Variants in MB21D2 observed in about 807,000 individuals in gnomAD.
The protein encoded by MB21D2 is nucleotidyltransferase MB21D2.
Under a neutral mutation model 33.3 loss-of-function variants are expected in MB21D2, and 9 were observed. The ratio of observed to expected loss-of-function variants is 0.27; its 90% CI spans 0.16 to 0.47. MB21D2 has a LOEUF of 0.47. Ranked by LOEUF, MB21D2 falls within the 20% of genes least tolerant of loss-of-function variation. The probability of loss-of-function intolerance (pLI) is 0.99; values close to 1 mark genes in which losing one functional copy is unlikely to be tolerated. For missense variants in MB21D2, 540 were observed against 624.6 expected (o/e 0.86, Z 1.44); for synonymous variants, 241 against 236.3 (o/e 1.02, Z -0.18).
Position 192,824,794 on chromosome 3 carries a change from T to G in MB21D2, c.212-25144A>C, listed in dbSNP as rs11928598. 3.9e-3 allele frequency among the ~76,000 whole-genome samples: 596 copies of G among 152,264 alleles called. 4 individuals are homozygous for G. Among genetic ancestry groups the G allele is most frequent in the African/African-American group, 0.014 (585 of 41,540 alleles). ...ATTCTTCAAAAATCACTCCAATTTATTTCCACTTCATGTTCCTACGTCAAG... is the reference window on the plus strand; with the variant it reads ...ATTCTTCAAAAATCACTCCAATTTAGTTCCACTTCATGTTCCTACGTCAAG... On this transcript the variant is annotated intron_variant, in intron 1 of 1. Transcript: ENST00000392452.
intron 1 of MB21D2, among the ~76,000 whole-genome samples, chr3:192,866,800 A>G (rs996543722): frequency 6.6e-6 from 1 of 152,240 alleles, no homozygotes; most frequent in African/African-American, 2.4e-5. Context: ...TCCCATCTTT[A>G]GAAGAGGAGA....
chr3:192,903,307 A>G (rs1714142375), intron 1 of MB21D2, among the ~76,000 whole-genome samples: 1 of 152,348 alleles, frequency 6.6e-6, no homozygotes, highest in Admixed American at 6.5e-5. Flanking sequence ...AGGATGATCA[A>G]GTCCCCTTTT....
chr3:192,883,619 C>T (rs1464022145), intron 1 of MB21D2, among the ~76,000 whole-genome samples: 1 of 152,066 alleles, frequency 6.6e-6, no homozygotes, highest in Non-Finnish European at 1.5e-5. Flanking sequence ...TAGAAGGTAT[C>T]TGGAAACATG....
intron 1 of MB21D2, among the ~76,000 whole-genome samples, chr3:192,820,418 G>A (rs553375879): frequency 1.3e-5 from 2 of 152,142 alleles, no homozygotes; most frequent in African/African-American, 2.4e-5. Context: ...AAAGTCCAGG[G>A]ATGAGGTTCT....
At chr3:192,900,793 T>C (rs1216196971) in intron 1 of MB21D2, among the ~76,000 whole-genome samples, 1 of 151,836 alleles carries the variant, frequency 6.6e-6, no homozygotes, top group Non-Finnish European at 1.5e-5. Flanking sequence ...ATACAAAAAT[T>C]AGCCAGGTAT....
At chr3:192,881,835 C>A (rs574078619) in intron 1 of MB21D2, among the ~76,000 whole-genome samples, 1 of 152,246 alleles carries the variant, frequency 6.6e-6, no homozygotes, top group South Asian at 2.1e-4. Context: ...GAAGCGGCAT[C>A]AATGTTTATC....
intron 1 of MB21D2, among the ~76,000 whole-genome samples, chr3:192,868,996 T>C (rs1385163843): frequency 6.6e-6 from 1 of 152,124 alleles, no homozygotes; most frequent in African/African-American, 2.4e-5. Context: ...AAAAGAAATA[T>C]ACAGCATTTA....
intron 1 of MB21D2, among the ~76,000 whole-genome samples, chr3:192,839,726 A>T (rs1712527385): frequency 6.6e-6 from 1 of 152,248 alleles, no homozygotes; most frequent in Non-Finnish European, 1.5e-5. Context: ...AGAGCTCCAG[A>T]GGAAGGAATT....
intron 1 of MB21D2, among the ~76,000 whole-genome samples, chr3:192,872,351 C>T (rs1304002133): frequency 2.0e-5 from 3 of 152,000 alleles, no homozygotes; most frequent in South Asian, 4.2e-4. Context: ...CCGAGGCGGG[C>T]AGATCACGAG....
chr3:192,878,954 ACT>A (rs1038073429), intron 1 of MB21D2, among the ~76,000 whole-genome samples: 2 of 152,052 alleles, frequency 1.3e-5, no homozygotes, highest in African/African-American at 4.8e-5. Context: ...ATGGAGGGAC[ACT>A]CTGTCTCTCA....
intron 1 of MB21D2, among the ~76,000 whole-genome samples, chr3:192,899,103 C>T (rs565600603): frequency 6.6e-6 from 1 of 152,310 alleles, no homozygotes; most frequent in African/African-American, 2.4e-5. Context: ...TAATGCAAGG[C>T]CAGTACCTCA....
chr3:192,857,095 T>C (rs78295963), intron 1 of MB21D2, among the ~76,000 whole-genome samples: 15,238 of 151,734 alleles, frequency 0.1, 886 homozygotes, highest in Middle Eastern at 0.26. Context: ...GACTTAAAGG[T>C]AGAAAAAAGA....
At chr3:192,823,098 T>A (rs139421662) in intron 1 of MB21D2, among the ~76,000 whole-genome samples, 2,056 of 152,352 alleles carry the variant, frequency 0.013, 29 homozygotes, top group Admixed American at 0.022. Context: ...CATTTAAAGT[T>A]AAATCTACCT....
intron 1 of MB21D2, among the ~76,000 whole-genome samples, chr3:192,821,139 C>T (rs1171246992): frequency 6.6e-6 from 1 of 152,144 alleles, no homozygotes; most frequent in African/African-American, 2.4e-5. Context: ...ATGTCACTAT[C>T]CACCACCACC....
At chr3:192,884,628 A>G (rs1000825565) in intron 1 of MB21D2, among the ~76,000 whole-genome samples, 2 of 151,932 alleles carry the variant, frequency 1.3e-5, no homozygotes, top group African/African-American at 4.8e-5. Context: ...TGGCCTCCCA[A>G]AGTGCTGGCA....
chr3:192,884,998 T>G (rs1713700776), intron 1 of MB21D2, among the ~76,000 whole-genome samples: 4 of 152,038 alleles, frequency 2.6e-5, no homozygotes, highest in Admixed American at 2.6e-4. Flanking sequence ...CCTTAAAAGA[T>G]AATTATATAT....
At chr3:192,817,639 T>C (rs1577171199) in intron 1 of MB21D2, among the ~76,000 whole-genome samples, 1 of 152,208 alleles carries the variant, frequency 6.6e-6, no homozygotes, top group African/African-American at 2.4e-5. Context: ...CTTAAAATGT[T>C]TGTGGTGTAG....
intron 1 of MB21D2, among the ~76,000 whole-genome samples, chr3:192,814,697 C>A (rs1023266815): frequency 1.4e-5 from 2 of 147,272 alleles, no homozygotes; most frequent in African/African-American, 2.7e-5. Flanking sequence ...CCTGTCTCTA[C>A]TAAAAAAAAT....
chr3:192,916,098 T>TTATATATATATATATATATA (rs55749042), intron 1 of MB21D2, among the ~76,000 whole-genome samples: 37 of 139,160 alleles, frequency 2.7e-4, no homozygotes, highest in African/African-American at 1.0e-3. Flanking sequence ...CTACCAGGTT[T>TTATATATATATATATATATA]TATATATATA....
Sources: allele counts gnomAD v4.1 joint callset (sites outside exome capture counted in the v4.1 genomes callset), GRCh38; gene constraint gnomAD v4.1.1; transcripts MANE v1.5; gene names NCBI Gene and HGNC (gene_info 2026-07-23, HGNC 2026-07-21).